PTK2: variants seen among roughly 807,000 people sequenced by gnomAD.
PTK2 encodes protein tyrosine kinase 2.
PTK2 carries 45 observed loss-of-function variants against 150.1 expected under a neutral mutation model. The observed-to-expected ratio is 0.30, with a 90% CI of 0.24 to 0.38. The LOEUF (loss-of-function observed/expected upper bound fraction) is 0.38. Among genes scored for constraint, PTK2 ranks in the 10% least tolerant of loss-of-function variants. The pLI is 1.00. For missense variants in PTK2, 919 were observed against 1,307.3 expected (o/e 0.70, Z 4.58); for synonymous variants, 432 against 449.2 (o/e 0.96, Z 0.48).
intron 26 of PTK2, among the ~76,000 whole-genome samples, chr8:140,700,256 C>T (rs984098163): frequency 3.3e-5 from 5 of 152,202 alleles, no homozygotes; most frequent in Non-Finnish European, 5.9e-5. Flanking sequence ...CATAGCTTAC[C>T]GTAATCTAGA....
chr8:140,738,988 A>T, intron 21 of PTK2, 30 bp downstream of exon 24: 3 of 1,402,244 alleles, frequency 2.1e-6, no homozygotes, highest in Non-Finnish European at 2.9e-6. Context: ...TATAATTTTT[A>T]AAGAATACAA....
intron 1 of PTK2, among the ~76,000 whole-genome samples, chr8:140,975,312 G>A (rs904176477): frequency 1.3e-5 from 2 of 152,104 alleles, no homozygotes; most frequent in African/African-American, 4.8e-5. Context: ...GCTGCCCTAG[G>A]ATGTAAAAAA....
chr8:140,840,412 A>C (rs2100121641), intron 7 of PTK2, among the ~76,000 whole-genome samples: 1 of 151,928 alleles, frequency 6.6e-6, no homozygotes, highest in South Asian at 2.1e-4. Flanking sequence ...AACTGTATAA[A>C]ATAATAATAA....
chr8:140,872,909 G>A (rs571802279), intron 4 of PTK2, among the ~76,000 whole-genome samples: 13 of 152,234 alleles, frequency 8.5e-5, no homozygotes, highest in African/African-American at 2.6e-4. Flanking sequence ...AGTATTTAGC[G>A]TACTCACAAA....
chr8:140,841,916 T>C (rs898391184), intron 7 of PTK2, among the ~76,000 whole-genome samples: 2 of 152,082 alleles, frequency 1.3e-5, no homozygotes, highest in Non-Finnish European at 2.9e-5. Flanking sequence ...CCTTACATTG[T>C]TATTAACCTG....
intron 17 of PTK2, among the ~76,000 whole-genome samples, chr8:140,751,416 C>T (rs189975014): frequency 2.4e-4 from 37 of 152,168 alleles, no homozygotes; most frequent in Middle Eastern, 3.4e-3. Flanking sequence ...CCTCTCACCT[C>T]GGCCTCCCAA....
intron 8 of PTK2, among the ~76,000 whole-genome samples, chr8:140,828,538 G>A (rs960663968): frequency 3.9e-5 from 6 of 152,144 alleles, no homozygotes; most frequent in African/African-American, 1.4e-4. Flanking sequence ...CAATAATTCT[G>A]AGGCTTCATA....
intron 14 of PTK2, among the ~76,000 whole-genome samples, chr8:140,776,537 T>C (rs1179887552): frequency 1.3e-5 from 2 of 152,194 alleles, no homozygotes; most frequent in African/African-American, 4.8e-5. Context: ...GATTTGTTAA[T>C]AGATTGGATA....
intron 1 of PTK2, among the ~76,000 whole-genome samples, chr8:140,930,116 G>C (rs564972539): frequency 1.3e-5 from 2 of 152,248 alleles, no homozygotes; most frequent in Non-Finnish European, 2.9e-5. Flanking sequence ...GCAGTTTGAG[G>C]CTTATAATAT....
chr8:140,773,672 T>A (rs1035295640), intron 14 of PTK2, among the ~76,000 whole-genome samples: 1 of 152,094 alleles, frequency 6.6e-6, no homozygotes, highest in African/African-American at 2.4e-5. Flanking sequence ...GGCACTGAGA[T>A]GCACTCAGTG....
chr8:140,759,283 T>G (rs1189383822), intron 16 of PTK2, among the ~76,000 whole-genome samples: 1 of 152,112 alleles, frequency 6.6e-6, no homozygotes, highest in African/African-American at 2.4e-5. Context: ...TAATATAAAA[T>G]GGTACAGCTG....
chr8:140,876,580 T>C (rs1159436799), intron 4 of PTK2, among the ~76,000 whole-genome samples: 1 of 152,194 alleles, frequency 6.6e-6, no homozygotes, highest in Non-Finnish European at 1.5e-5. Context: ...ATTCATTGAT[T>C]ATAAAATATT....
At chr8:140,667,826 G>A (rs1040395786) in intron 30 of PTK2, among the ~76,000 whole-genome samples, 4 of 152,144 alleles carry the variant, frequency 2.6e-5, no homozygotes, top group African/African-American at 9.7e-5. Context: ...CCTTACAGGT[G>A]CGGGATCTGA....
intron 27 of PTK2, among the ~76,000 whole-genome samples, chr8:140,684,315 C>A (rs116393476): frequency 2.0e-5 from 3 of 152,188 alleles, no homozygotes; most frequent in East Asian, 1.9e-4. Flanking sequence ...CTCTCACATG[C>A]GCAGTTCACA....
intron 1 of PTK2, among the ~76,000 whole-genome samples, chr8:140,966,293 G>A (rs1028884039): frequency 6.6e-6 from 1 of 152,180 alleles, no homozygotes; most frequent in African/African-American, 2.4e-5. Flanking sequence ...ATAAATGAAT[G>A]GATACACTGG....
intron 4 of PTK2, among the ~76,000 whole-genome samples, chr8:140,871,179 G>A (rs1181258166): frequency 1.3e-5 from 2 of 152,078 alleles, no homozygotes; most frequent in Non-Finnish European, 2.9e-5. Context: ...AAAAGGAGTG[G>A]ATGCACTGCT....
chr8:140,992,377 GGA>G (rs2100196070), intron 1 of PTK2, among the ~76,000 whole-genome samples: 1 of 152,032 alleles, frequency 6.6e-6, no homozygotes, highest in African/African-American at 2.4e-5. Context: ...GGCAGAAGCA[GGA>G]GAATTGCTTG....
intron 2 of PTK2, chr8:140,921,070 T>G (rs1171582430): frequency 7.6e-7 from 1 of 1,315,856 alleles, no homozygotes; most frequent in Non-Finnish European, 9.6e-7. Context: ...GTTCCTTCTG[T>G]AATATTTTCC....
chr8:140,848,227 G>C (rs1313410824), intron 5 of PTK2, among the ~76,000 whole-genome samples: 1 of 152,154 alleles, frequency 6.6e-6, no homozygotes, highest in Admixed American at 6.5e-5. Flanking sequence ...AAACACATCA[G>C]ATGAGCATAC....
Sources: allele counts gnomAD v4.1 joint callset (sites outside exome capture counted in the v4.1 genomes callset), GRCh38; gene constraint gnomAD v4.1.1; transcripts MANE v1.5; gene names NCBI Gene and HGNC (gene_info 2026-07-23, HGNC 2026-07-21).